Variants in CSMD2 observed in about 807,000 individuals in gnomAD.
The protein encoded by CSMD2 is CUB and sushi domain-containing protein 2.
Under a neutral mutation model 398.5 loss-of-function variants are expected in CSMD2, and 130 were observed. That is an observed-to-expected ratio of 0.33 (90% CI 0.28 to 0.38). The LOEUF (loss-of-function observed/expected upper bound fraction) is 0.38. Among genes scored for constraint, CSMD2 ranks in the 10% least tolerant of loss-of-function variants. The pLI is 1.00. For missense variants in CSMD2, 3,829 were observed against 4,764.9 expected (o/e 0.80, Z 5.78); for synonymous variants, 1,828 against 1,908.5 (o/e 0.96, Z 1.10).
intron 5 of CSMD2, among the ~76,000 whole-genome samples, chr1:33,876,647 C>T (rs565713873): frequency 1.6e-4 from 24 of 152,316 alleles, no homozygotes; most frequent in African/African-American, 5.8e-4. Flanking sequence ...CTTGAGGTCA[C>T]ACAGCTATCA....
intron 21 of CSMD2, among the ~76,000 whole-genome samples, chr1:33,711,017 T>G (rs1360894756): frequency 1.3e-5 from 2 of 152,254 alleles, no homozygotes; most frequent in African/African-American, 2.4e-5. Context: ...AAACTTAGTC[T>G]GTTTGCAAAA....
At chr1:33,722,758 G>GT (rs1024441425) in intron 19 of CSMD2, among the ~76,000 whole-genome samples, 5 of 149,098 alleles carry the variant, frequency 3.4e-5, no homozygotes, top group South Asian at 2.1e-4. Context: ...TCCTTTCAAA[G>GT]TTTTTTTTAA....
intron 54 of CSMD2, among the ~76,000 whole-genome samples, chr1:33,558,176 G>A (rs570246393): frequency 4.6e-5 from 7 of 152,222 alleles, no homozygotes; most frequent in Admixed American, 3.9e-4. Flanking sequence ...TGCACAAATC[G>A]CTATTGCTGA....
chr1:33,526,382 C>T (rs1654775825), intron 65 of CSMD2, among the ~76,000 whole-genome samples: 1 of 152,194 alleles, frequency 6.6e-6, no homozygotes, highest in Non-Finnish European at 1.5e-5. Flanking sequence ...TGACTTTCTC[C>T]CTGTATAGGC....
At chr1:33,582,068 C>T (rs192077196) in intron 47 of CSMD2, among the ~76,000 whole-genome samples, 291 of 152,180 alleles carry the variant, frequency 1.9e-3, no homozygotes, top group African/African-American at 6.5e-3. Context: ...CTTCCTGGAG[C>T]GGGTGAGCAC....
chr1:33,757,647 C>A (rs981542703), intron 13 of CSMD2, among the ~76,000 whole-genome samples: 2 of 152,192 alleles, frequency 1.3e-5, no homozygotes, highest in Admixed American at 1.3e-4. Context: ...ATGTACATCC[C>A]TCCTGGAGAT....
At chr1:33,963,897 T>C (rs1038699111) in intron 3 of CSMD2, among the ~76,000 whole-genome samples, 1 of 152,122 alleles carries the variant, frequency 6.6e-6, no homozygotes, top group Non-Finnish European at 1.5e-5. Flanking sequence ...TGTGGACATA[T>C]GTGTTAATTT....
chr1:33,904,456 G>A (rs1415775967), intron 5 of CSMD2, among the ~76,000 whole-genome samples: 2 of 152,142 alleles, frequency 1.3e-5, no homozygotes, highest in East Asian at 3.9e-4. Flanking sequence ...AGAAATGACG[G>A]CCCATCTCCT....
intron 2 of CSMD2, among the ~76,000 whole-genome samples, chr1:34,053,247 T>G (rs115538406): frequency 6.6e-6 from 1 of 152,120 alleles, no homozygotes; most frequent in Admixed American, 6.5e-5. Context: ...ATTCTCTTGA[T>G]AGGATAATAA....
chr1:33,689,215 G>A (rs1401341731), intron 25 of CSMD2, among the ~76,000 whole-genome samples: 1 of 152,126 alleles, frequency 6.6e-6, no homozygotes, highest in African/African-American at 2.4e-5. Flanking sequence ...TGGCAGACTG[G>A]GGTGGGAGAA....
chr1:33,829,961 C>T (rs901028882), intron 6 of CSMD2, among the ~76,000 whole-genome samples: 15 of 152,204 alleles, frequency 9.9e-5, no homozygotes, highest in Admixed American at 2.0e-4. Flanking sequence ...GGGGGAGGGG[C>T]GCCCGCCATT....
chr1:33,792,452 C>T lies in CSMD2; in HGVS notation c.1521G>A (p.Gln507=). 6.2e-7 allele frequency: 1 copy of T among 1,613,940 alleles called. No homozygotes were observed. ...YDTLTVGDGG[Q]DGDQKTVLYI... ...AGAGAACTGTCTTCTGGTCCCCATC[C>T]TGACCACCATCACCGACCGTCAGGG... Residue 507 remains glutamine (Q), a synonymous_variant, in exon 11 of 71, where the codon CAG becomes CAA. Coordinates refer to ENST00000373381, the MANE Select transcript of CSMD2 (RefSeq NM_001281956.2).
At chr1:33,736,444 G>A (rs1646888361) in intron 15 of CSMD2, among the ~76,000 whole-genome samples, 1 of 151,498 alleles carries the variant, frequency 6.6e-6, no homozygotes, top group Admixed American at 6.6e-5. Flanking sequence ...TCACGCCACT[G>A]CACTCCAGCC....
intron 1 of CSMD2, among the ~76,000 whole-genome samples, chr1:34,141,457 A>G (rs956896773): frequency 5.9e-5 from 9 of 152,188 alleles, no homozygotes; most frequent in African/African-American, 2.2e-4. Context: ...ATTACTGTGG[A>G]TGAGGGGGTT....
In CSMD2 at chr1:33,571,590, G is replaced by T; in HGVS notation, c.7899C>A (p.Val2633=). 6.4e-7 allele frequency: 1 copy of T among 1,551,100 alleles called. No individual in the cohort carries two copies. The highest frequency in any genetic ancestry group is 8.8e-7 in the Non-Finnish European group (1 of 1,137,514). Residue 2633 remains valine, a synonymous_variant, in exon 51 of 71, where the codon GTC becomes GTA. Coordinates refer to ENST00000373381, the MANE Select transcript of CSMD2 (RefSeq NM_001281956.2). ...DPGYYYTGQR[V]IRCQANGKWS... ...ATTTGCCATTGGCCTGACAGCGGAT[G>T]ACCCTTTGGCCAGTATAGTAGTAGC...
chr1:34,061,543 C>G (rs2148263848), intron 2 of CSMD2, among the ~76,000 whole-genome samples: 1 of 151,312 alleles, frequency 6.6e-6, no homozygotes, highest in Non-Finnish European at 1.5e-5. Context: ...CTCATGGGCT[C>G]AAATCCCAGC....
In CSMD2 at chr1:33,633,130, T is replaced by C. The variant is rs603854; in HGVS notation, c.5200+292A>G. ...TAAGTTTTCTATAATGAAAATGCAA[T>C]ACATTTATAGTAAGAAAAAAAGTTG... On this transcript the variant is annotated intron_variant, in intron 32 of 70. Coordinates refer to ENST00000373381, the MANE Select transcript of CSMD2 (RefSeq NM_001281956.2). This position sits in a 1 kb window ranked among gnomAD's most constrained non-coding sequence, Gnocchi z 5.0. Among the ~76,000 whole-genome samples the C allele has an allele frequency of 0.063, 9,619 of 152,244 alleles. 405 individuals are homozygous for C. The highest frequency in any genetic ancestry group is 0.13 in the East Asian group (667 of 5,178).
At chr1:33,974,225 C>T (rs905138050) in intron 3 of CSMD2, among the ~76,000 whole-genome samples, 5 of 152,226 alleles carry the variant, frequency 3.3e-5, no homozygotes, top group Non-Finnish European at 7.3e-5. Context: ...CAGCGGCTCA[C>T]AGGGACAGGT....
Position 34,112,894 on chromosome 1 carries a change from G to A in CSMD2, c.188-23701C>T, listed in dbSNP as rs138730075. The A allele has an allele frequency of 9.6e-3, 1,463 of 152,380 alleles. 20 individuals are homozygous for A. Among genetic ancestry groups the A allele is most frequent in the African/African-American group, 0.034 (1,405 of 41,562 alleles). 9.4% of individuals were successfully genotyped at this position (152,380 alleles called of 1,614,324 possible). A position where few individuals can be genotyped will look rare whatever the true frequency, so the allele number is the denominator to read the frequency against. Reference sequence around the variant, plus strand: ...AATGCTCATGGCTGAGGGGCAGCTGGTGTGTGGGTGTGTAATATAGGAAAG... The same window carrying A: ...AATGCTCATGGCTGAGGGGCAGCTGATGTGTGGGTGTGTAATATAGGAAAG... On this transcript the variant is annotated intron_variant, in intron 1 of 70. Transcript: ENST00000373381.
Sources: gnomAD v4.1 joint callset for allele counts (sites outside exome capture counted in the v4.1 genomes callset) on GRCh38, gnomAD v4.1.1 for gene constraint, Gnocchi (gnomAD v3.1) non-coding constraint, MANE v1.5 for transcripts, NCBI Gene and HGNC (gene_info 2026-07-23, HGNC 2026-07-21) for gene names.